The following RNF10 variants were observed in gnomAD, a reference collection of about 807,000 sequenced individuals.
The protein encoded by RNF10 is E3 ubiquitin-protein ligase RNF10.
Under a neutral mutation model 91.4 loss-of-function variants are expected in RNF10, and 38 were observed. That is an observed-to-expected ratio of 0.42 (90% CI 0.32 to 0.54). RNF10 has a LOEUF of 0.54. RNF10 is among the 20% of genes least tolerant of loss of function. RNF10 has a pLI of 0.16. For synonymous variants in RNF10, 364 were observed against 366.3 expected (o/e 0.99, Z 0.07); for missense variants, 945 against 1,012.0 (o/e 0.93, Z 0.90).
intron 14 of RNF10, among the ~76,000 whole-genome samples, chr12:120,573,056 G>A (rs1029405359): frequency 6.6e-6 from 1 of 151,932 alleles, no homozygotes; most frequent in Admixed American, 6.6e-5. Context: ...TTATATATTT[G>A]CTTTCTCTTT....
rs955158875 is a variant in RNF10 at position 120,543,393 on chromosome 12, C to T, written c.158-3012C>T. ...AGACCCCATGGCTCATGCTTATAAT[C>T]CCAGCACTTTGGGAGGCTGAGGTGG... On this transcript the variant is annotated intron_variant, in intron 1 of 16. Transcript: ENST00000325954. 4.6e-5 allele frequency among the ~76,000 whole-genome samples: 7 copies of T among 152,264 alleles called. No individual in the cohort carries two copies. The East Asian group carries it at 9.7e-4, about 21-fold the overall frequency.
chr12:120,562,234 C>T (rs1266615606), intron 7 of RNF10, among the ~76,000 whole-genome samples: 2 of 147,830 alleles, frequency 1.4e-5, no homozygotes, highest in African/African-American at 4.9e-5. Flanking sequence ...GAAGTGAGAA[C>T]ATGTGTGCGA....
chr12:120,566,456 G>T (rs1173415871), intron 12 of RNF10, among the ~76,000 whole-genome samples: 2 of 152,128 alleles, frequency 1.3e-5, no homozygotes, highest in African/African-American at 2.4e-5. Flanking sequence ...GTCCTCAACT[G>T]TTGGAAACTA....
chr12:120,538,222 A>T (rs1871110114), intron 1 of RNF10, among the ~76,000 whole-genome samples: 1 of 152,226 alleles, frequency 6.6e-6, no homozygotes, highest in African/African-American at 2.4e-5. Flanking sequence ...AAGAGTTTTC[A>T]GTATTCAAAT....
chr12:120,557,746 T>C, intron 6 of RNF10, 64 bp downstream of exon 6: 1 of 1,565,850 alleles, frequency 6.4e-7, no homozygotes, highest in Non-Finnish European at 8.8e-7. Flanking sequence ...ATTGAATATA[T>C]CTAAGCATCA....
chr12:120,549,802 A>T (rs950159918), intron 2 of RNF10, among the ~76,000 whole-genome samples: 2 of 152,196 alleles, frequency 1.3e-5, no homozygotes, highest in South Asian at 4.1e-4. Context: ...ATAAGTGAAT[A>T]AATAAATAAT....
At chr12:120,565,595 G>A in intron 12 of RNF10, 66 bp downstream of exon 12, 1 of 1,397,614 alleles carries the variant, frequency 7.2e-7, no homozygotes, top group South Asian at 1.2e-5. Flanking sequence ...CTCTGTGTCT[G>A]GGACCTGGGA....
At chr12:120,561,581 G>A (rs758989247) in intron 7 of RNF10, among the ~76,000 whole-genome samples, 7 of 152,174 alleles carry the variant, frequency 4.6e-5, no homozygotes, top group Non-Finnish European at 8.8e-5. Context: ...ATCAGCATTT[G>A]ATAGGACTTG....
rs1198997219 is a variant in RNF10, at chr12:120,557,495, T to A, written c.830+29T>A. 6 of 1,613,840 alleles carry A rather than the reference T, an allele frequency of 3.7e-6. No individual in the cohort carries two copies. The South Asian group carries it at 6.6e-5, about 18-fold the overall frequency. On this transcript the variant is annotated intron_variant, in intron 5 of 16. Coordinates refer to ENST00000325954, the MANE Select transcript of RNF10 (RefSeq NM_014868.5). ...AGATTGAGACATTTACTCAGTTAGA[T>A]CCCAATCTCTTCACTCCTTGCCCTG...
chr12:120,558,299 T>G (rs915058451), intron 6 of RNF10, among the ~76,000 whole-genome samples: 3 of 152,122 alleles, frequency 2.0e-5, no homozygotes, highest in Non-Finnish European at 4.4e-5. Flanking sequence ...AAAGAAAATA[T>G]AGGACAATTT....
Position 120,563,923 on chromosome 12 carries a change from G to T in RNF10, c.1645G>T (p.Ala549Ser), listed in dbSNP as rs773314632. 3.7e-6 allele frequency: 6 copies of T among 1,614,066 alleles called. No homozygotes were observed. The highest frequency in any genetic ancestry group is 5.1e-6 in the Non-Finnish European group (6 of 1,180,046). The change falls in exon 10 of 17, where the codon GCT becomes TCT. Residue 549 changes from alanine to serine, a missense_variant. By Grantham distance (99) the Ala-to-Ser change is moderately conservative. Transcript: ENST00000325954. ...GATCTCAGCAACTGTGGTGGAGATT[G>T]CTGGCTACTCCATGTCTGAGGTGAG... ...EKISATVVEIAGYSMSEDVRQ... is the reference protein window; with the variant it reads ...EKISATVVEISGYSMSEDVRQ...
intron 14 of RNF10, among the ~76,000 whole-genome samples, chr12:120,571,854 A>G (rs986474876): frequency 1.3e-5 from 2 of 152,124 alleles, no homozygotes; most frequent in Admixed American, 1.3e-4. Flanking sequence ...CACCTAGCCA[A>G]AGCAGCTTCC....
At chr12:120,545,814 C>T (rs1441249521) in intron 1 of RNF10, among the ~76,000 whole-genome samples, 1 of 152,250 alleles carries the variant, frequency 6.6e-6, no homozygotes, top group Non-Finnish European at 1.5e-5. Context: ...GCTGGGATTA[C>T]AGGCGTGAGC....
At chr12:120,553,248 T>C (rs937531695) in intron 3 of RNF10, among the ~76,000 whole-genome samples, 1 of 131,634 alleles carries the variant, frequency 7.6e-6, no homozygotes, top group Non-Finnish European at 1.7e-5. Context: ...CACCCCCGTC[T>C]AATTTTTTTA....
At position 120,560,745 on chromosome 12, in the gene RNF10, C is replaced by T; in HGVS notation, c.987C>T (p.Tyr329=). The T allele has an allele frequency of 6.2e-7, 1 of 1,614,006 alleles. No individual in the cohort carries two copies. The highest frequency in any genetic ancestry group is 8.5e-7 in the Non-Finnish European group (1 of 1,179,884). Residue 329 remains tyrosine (Y), a synonymous_variant, in exon 7 of 17, where the codon TAC becomes TAT. Transcript: ENST00000325954. ...IHLGDEQHSQ[Y]SKLLLASKEQ... is the part of the protein sequence containing the mutation. ...TTATAGATGAACAGCACAGCCAGTA[C>T]TCCAAGTTGCTGCTGGCCTCTAAGG... is the stretch of plus-strand genomic sequence containing the variant.
chr12:120,559,981 A>C (rs1874601831), intron 6 of RNF10, among the ~76,000 whole-genome samples: 1 of 151,520 alleles, frequency 6.6e-6, no homozygotes, highest in Non-Finnish European at 1.5e-5. Context: ...GAGCCACCAC[A>C]CCCAGCTGGC....
Position 120,546,457 on chromosome 12 carries a change from C to T in RNF10, c.210C>T (p.Ser70=). The change falls in exon 2 of 17, where the codon TCC becomes TCT. Residue 70 remains serine, a synonymous_variant. Coordinates refer to ENST00000325954, the MANE Select transcript of RNF10 (RefSeq NM_014868.5). ...GTTATAATCGCAAACGTGAACTTTC[C>T]TACCCCAAAAATGAAAGTTTTAACA... The part of the protein sequence containing the change: ...SKRYNRKREL[S]YPKNESFNNQ... The T allele has an allele frequency of 1.2e-6, 2 of 1,614,110 alleles. No homozygotes were observed. Among genetic ancestry groups the T allele is most frequent in the Non-Finnish European group, 1.7e-6 (2 of 1,179,990 alleles).
chr12:120,563,859 C>T lies in RNF10; in HGVS notation c.1581C>T (p.Leu527=), dbSNP rs539860388. Residue 527 remains leucine (L), a synonymous_variant, in exon 10 of 17, where the codon CTC becomes CTT. Coordinates refer to ENST00000325954, the MANE Select transcript of RNF10 (RefSeq NM_014868.5). The part of the protein sequence containing the change: ...MFLHPVNVRC[L]VREYGSLERS... ...TGCACCCTGTGAATGTGCGCTGCCT[C>T]GTGCGGGAGTACGGCAGCCTGGAGA... is the stretch of plus-strand genomic sequence containing the variant. 16 of 1,614,106 alleles carry T rather than the reference C, an allele frequency of 9.9e-6. No homozygotes were observed. The highest frequency in any genetic ancestry group is 8.0e-5 in the African/African-American group (6 of 75,024).
chr12:120,572,708 G>T (rs1876824662), intron 14 of RNF10, among the ~76,000 whole-genome samples: 1 of 151,900 alleles, frequency 6.6e-6, no homozygotes, highest in African/African-American at 2.4e-5. Context: ...CAATTCTCCT[G>T]CCTCAGCCTC....
Sources: gnomAD v4.1 joint callset for allele counts (sites outside exome capture counted in the v4.1 genomes callset) on GRCh38, gnomAD v4.1.1 for gene constraint, MANE v1.5 for transcripts, NCBI Gene and HGNC (gene_info 2026-07-23, HGNC 2026-07-21) for gene names.